The following GPATCH2 variants were observed in gnomAD, a reference collection of about 807,000 sequenced individuals.
The protein encoded by GPATCH2 is G patch domain-containing protein 2.
In GPATCH2, 51 loss-of-function variants were observed where a neutral mutation model predicts 58.0. That is an observed-to-expected ratio of 0.88 (90% CI 0.70 to 1.11). GPATCH2 has a LOEUF of 1.11. Among genes scored for constraint, GPATCH2 ranks in the 50% most tolerant of loss-of-function variants. The pLI, the probability that GPATCH2 is intolerant of heterozygous loss-of-function variation, is 0.00. For missense variants in GPATCH2, 625 were observed against 652.2 expected (o/e 0.96, Z 0.45); for synonymous variants, 222 against 218.5 (o/e 1.02, Z -0.14).
chr1:217,548,220 G>A (rs528783489), intron 5 of GPATCH2, among the ~76,000 whole-genome samples: 7 of 152,148 alleles, frequency 4.6e-5, no homozygotes, highest in Admixed American at 2.0e-4. Flanking sequence ...GAGAACACAT[G>A]GACACACAGA....
At chr1:217,583,709 G>A (rs1382553509) in intron 5 of GPATCH2, among the ~76,000 whole-genome samples, 1 of 151,396 alleles carries the variant, frequency 6.6e-6, no homozygotes, top group African/African-American at 2.4e-5. Context: ...AAAAAAAGCA[G>A]GATAAATAAA....
intron 5 of GPATCH2, among the ~76,000 whole-genome samples, chr1:217,545,233 A>G (rs1332577379): frequency 6.6e-6 from 1 of 152,210 alleles, no homozygotes. Context: ...GAAATCAGAG[A>G]TTCCAGGTGA....
chr1:217,551,654 A>C (rs1013193589), intron 5 of GPATCH2, among the ~76,000 whole-genome samples: 1 of 152,178 alleles, frequency 6.6e-6, no homozygotes, highest in African/African-American at 2.4e-5. Flanking sequence ...GATCTCACTC[A>C]CTGTTGTGTT....
chr1:217,577,796 G>A (rs1235718423), intron 5 of GPATCH2, among the ~76,000 whole-genome samples: 4 of 152,010 alleles, frequency 2.6e-5, no homozygotes, highest in Non-Finnish European at 5.9e-5. Flanking sequence ...TGCCCAGGCT[G>A]GAGTGCAATG....
chr1:217,539,456 G>T (rs1325227544), intron 5 of GPATCH2, among the ~76,000 whole-genome samples: 1 of 152,112 alleles, frequency 6.6e-6, no homozygotes, highest in African/African-American at 2.4e-5. Context: ...TACAATGGCA[G>T]GTCAAACTTT....
intron 5 of GPATCH2, chr1:217,608,224 A>C (rs1668453499): frequency 1.0e-6 from 1 of 961,902 alleles, no homozygotes; most frequent in South Asian, 4.8e-5. Flanking sequence ...TTGAAAAAAA[A>C]AAATTACAGT....
chr1:217,603,224 C>A (rs17723132), intron 5 of GPATCH2, among the ~76,000 whole-genome samples: 1 of 151,800 alleles, frequency 6.6e-6, no homozygotes, highest in African/African-American at 2.4e-5. Context: ...CAAGCCAATT[C>A]GAAGACTAAG....
At chr1:217,524,663 A>T (rs986746726) in intron 5 of GPATCH2, among the ~76,000 whole-genome samples, 63 of 151,612 alleles carry the variant, frequency 4.2e-4, no homozygotes, top group Non-Finnish European at 6.9e-4. Context: ...GCTGGAGACC[A>T]GCCCTGCCAA....
intron 1 of GPATCH2, among the ~76,000 whole-genome samples, chr1:217,628,696 AAAG>A (rs1336332693): frequency 6.6e-6 from 1 of 151,898 alleles, no homozygotes; most frequent in Non-Finnish European, 1.5e-5. Context: ...AAAAAAAAAA[AAAG>A]AATACCATAG....
intron 5 of GPATCH2, among the ~76,000 whole-genome samples, chr1:217,566,101 CAAAAAAAAAA>C (rs59608962): frequency 8.5e-5 from 4 of 47,242 alleles, no homozygotes; most frequent in African/African-American, 1.2e-4. Flanking sequence ...AACTCCGTCT[CAAAAAAAAAA>C]AAAAAAAAAA....
chr1:217,603,172 C>T (rs766645629), intron 5 of GPATCH2, among the ~76,000 whole-genome samples: 4 of 152,182 alleles, frequency 2.6e-5, no homozygotes, highest in East Asian at 1.9e-4. Context: ...TTCCATATTT[C>T]TGAAGCATCA....
rs139532795 is a variant in GPATCH2 at position 217,451,342 on chromosome 1, G to A, written c.1278-2005C>T. Among the ~76,000 whole-genome samples the A allele has an allele frequency of 1.5e-3, 230 of 152,190 alleles. 2 individuals are homozygous for A. The highest frequency in any genetic ancestry group is 4.9e-3 in the African/African-American group (204 of 41,516). On this transcript the variant is annotated intron_variant, in intron 8 of 9. Transcript: ENST00000366935. The stretch of plus-strand genomic sequence containing the variant: ...TTACAACTCTACCTTGTAGCTAACC[G>A]AAAGCAATGGGAAATACTTCTTAAC...
chr1:217,574,463 G>A (rs1288071476), intron 5 of GPATCH2, among the ~76,000 whole-genome samples: 4 of 152,098 alleles, frequency 2.6e-5, no homozygotes, highest in Admixed American at 6.6e-5. Flanking sequence ...CTTGCAATGC[G>A]GAATGACATT....
At chr1:217,526,126 A>C (rs887446661) in intron 5 of GPATCH2, among the ~76,000 whole-genome samples, 2 of 152,204 alleles carry the variant, frequency 1.3e-5, no homozygotes, top group Non-Finnish European at 2.9e-5. Flanking sequence ...ATCAGGGGAA[A>C]AAATTACAGC....
chr1:217,593,362 C>T (rs2102772408), intron 5 of GPATCH2, among the ~76,000 whole-genome samples: 1 of 151,986 alleles, frequency 6.6e-6, no homozygotes, highest in South Asian at 2.1e-4. Flanking sequence ...CGGGAAGATG[C>T]ATTATTTTCC....
At position 217,451,468 on chromosome 1, in the gene GPATCH2, T is replaced by A. The variant is rs937880598; in HGVS notation, c.1278-2131A>T. Among the ~76,000 whole-genome samples, 3 of 152,210 alleles carry A rather than the reference T, an allele frequency of 2.0e-5. No homozygotes were observed. In the East Asian group the frequency reaches 5.8e-4, roughly 29 times the overall value. On this transcript the variant is annotated intron_variant, in intron 8 of 9. Transcript: ENST00000366935. The stretch of plus-strand genomic sequence containing the variant: ...TTAAACCATCATTTCAATACTCCTT[T>A]ACTCCATATACACTTGAGCTTCTTT...
At chr1:217,611,894 C>A (rs774858351) in intron 3 of GPATCH2, among the ~76,000 whole-genome samples, 14 of 152,150 alleles carry the variant, frequency 9.2e-5, no homozygotes, top group Middle Eastern at 3.4e-3. Context: ...AAGAAAGAGA[C>A]ACAGGCCAGT....
At chr1:217,487,512 G>A (rs1054200628) in intron 8 of GPATCH2, among the ~76,000 whole-genome samples, 1 of 147,910 alleles carries the variant, frequency 6.8e-6, no homozygotes, top group African/African-American at 2.5e-5. Context: ...TGCAACCTCC[G>A]CCTTCCGGGT....
At chr1:217,472,544 T>C (rs1022661105) in intron 8 of GPATCH2, among the ~76,000 whole-genome samples, 1 of 152,084 alleles carries the variant, frequency 6.6e-6, no homozygotes, top group African/African-American at 2.4e-5. Context: ...CCTCATGATC[T>C]GCTCACCTCG....
Sources: allele counts gnomAD v4.1 joint callset (sites outside exome capture counted in the v4.1 genomes callset), GRCh38; gene constraint gnomAD v4.1.1; transcripts MANE v1.5; gene names NCBI Gene and HGNC (gene_info 2026-07-23, HGNC 2026-07-21).